Variants in CORO2A observed in about 807,000 individuals in gnomAD.
CORO2A encodes the protein coronin-2A.
CORO2A carries 47 observed loss-of-function variants against 62.4 expected under a neutral mutation model. The ratio of observed to expected loss-of-function variants is 0.75; its 90% CI spans 0.60 to 0.96. The LOEUF is 0.96. Among genes scored for constraint, CORO2A ranks in the 40% least tolerant of loss-of-function variants. The pLI is 0.00. For missense variants in CORO2A, 610 were observed against 684.1 expected (o/e 0.89, Z 1.21); for synonymous variants, 273 against 268.9 (o/e 1.02, Z -0.15).
chr9:98,158,961 C>T (rs888482905), intron 1 of CORO2A, among the ~76,000 whole-genome samples: 24 of 152,076 alleles, frequency 1.6e-4, no homozygotes, highest in Non-Finnish European at 3.1e-4. Context: ...TCTTTCATGG[C>T]CAAACCCATA....
chr9:98,126,034 C>T (rs1587988958), intron 11 of CORO2A, among the ~76,000 whole-genome samples: 3 of 113,276 alleles, frequency 2.6e-5, no homozygotes, highest in South Asian at 3.1e-4. Flanking sequence ...TCCCCACCAT[C>T]TTTTTTTTTT....
At chr9:98,137,894 G>C (rs1025752993) in intron 2 of CORO2A, among the ~76,000 whole-genome samples, 1 of 152,196 alleles carries the variant, frequency 6.6e-6, no homozygotes, top group Non-Finnish European at 1.5e-5. Flanking sequence ...CAGTAAAAGG[G>C]AGCAATCACA....
chr9:98,161,095 A>G (rs143871905), intron 1 of CORO2A, among the ~76,000 whole-genome samples: 1 of 152,360 alleles, frequency 6.6e-6, no homozygotes, highest in East Asian at 1.9e-4. Context: ...GTTATTTGTC[A>G]TGGAGGACAG....
At chr9:98,187,017 C>T (rs1004436661) in intron 1 of CORO2A, among the ~76,000 whole-genome samples, 1 of 152,130 alleles carries the variant, frequency 6.6e-6, no homozygotes. Context: ...CGGTGGCTCA[C>T]GCCTGTAATC....
In CORO2A at chr9:98,157,501, A is replaced by G. The variant is rs1827820092; in HGVS notation, c.160T>C (p.Cys54Arg). ...NPHFIAVVTE[C>R]AGGGAFLVIP... The stretch of plus-strand genomic sequence containing the variant: ...ACGAGGAAGGCCCCTCCACCAGCAC[A>G]CTCAGTCACAACTGCAATGAAGTGG... The change falls in exon 2 of 12, where the codon TGT becomes CGT. Residue 54 changes from cysteine to arginine, a missense_variant. Coordinates refer to ENST00000375077, the MANE Select transcript of CORO2A (RefSeq NM_052820.4). The G allele has an allele frequency of 1.9e-6, 3 of 1,614,182 alleles. No individual in the cohort carries two copies. Among genetic ancestry groups the G allele is most frequent in the Non-Finnish European group, 2.5e-6 (3 of 1,180,030 alleles).
At chr9:98,174,494 A>G (rs1828082453) in intron 1 of CORO2A, among the ~76,000 whole-genome samples, 2 of 152,220 alleles carry the variant, frequency 1.3e-5, no homozygotes, top group Non-Finnish European at 2.9e-5. Context: ...AAATGTAAAA[A>G]TCTTGGCAGT....
chr9:98,142,570 C>T (rs892315379), intron 2 of CORO2A, among the ~76,000 whole-genome samples: 2 of 152,244 alleles, frequency 1.3e-5, no homozygotes, highest in Non-Finnish European at 2.9e-5. Context: ...TTCCGCAGTG[C>T]GGTTTCCCAA....
chr9:98,182,447 C>T (rs916364459), intron 1 of CORO2A, among the ~76,000 whole-genome samples: 33 of 152,216 alleles, frequency 2.2e-4, no homozygotes, highest in African/African-American at 7.7e-4. Context: ...CATTATCTCC[C>T]CAGCCCTCCT....
chr9:98,128,605 A>T lies in CORO2A; in HGVS notation c.1080+2T>A. On this transcript the variant is annotated splice_donor_variant, in intron 9 of 11. Coordinates refer to ENST00000375077, the MANE Select transcript of CORO2A (RefSeq NM_052820.4). LOFTEE classifies it high-confidence loss of function. The stretch of plus-strand genomic sequence containing the variant: ...CTCCCATGCGGTCCCGACTGCCCTT[A>T]CCCGCCGGGGCACAATCATGGAGAT... The T allele has an allele frequency of 1.2e-6, 2 of 1,613,388 alleles. No homozygotes were observed. The highest frequency in any genetic ancestry group is 1.7e-6 in the Non-Finnish European group (2 of 1,179,470).
intron 11 of CORO2A, among the ~76,000 whole-genome samples, chr9:98,125,740 C>CA (rs1355610361): frequency 8.1e-5 from 8 of 99,270 alleles, no homozygotes; most frequent in Admixed American, 1.4e-4. Context: ...TTTTTTGAGA[C>CA]AGAGTCTCAC....
chr9:98,162,648 C>T (rs540274835), intron 1 of CORO2A, among the ~76,000 whole-genome samples: 10 of 152,284 alleles, frequency 6.6e-5, no homozygotes, highest in African/African-American at 2.4e-4. Context: ...GGCCTGTGTG[C>T]GTACTGTGTG....
chr9:98,124,767 T>C lies in CORO2A; in HGVS notation c.*7A>G, dbSNP rs780749628. On this transcript the variant is annotated 3_prime_UTR_variant, in exon 12 of 12. Coordinates refer to ENST00000375077, the MANE Select transcript of CORO2A (RefSeq NM_052820.4). ...TCCCTGAGGGTGAGGAGGGCAGAGG[T>C]CTCTGCTCAGAGCTGCTCTGAGCCC... 6.2e-7 allele frequency: 1 copy of C among 1,606,536 alleles called. No individual in the cohort carries two copies. Among genetic ancestry groups the C allele is most frequent in the African/African-American group, 1.3e-5 (1 of 74,750 alleles).
At chr9:98,178,201 C>T (rs72603685) in intron 1 of CORO2A, among the ~76,000 whole-genome samples, 10,380 of 152,154 alleles carry the variant, frequency 0.068, 406 homozygotes, top group East Asian at 0.1. Context: ...CATGAGCCAC[C>T]ATGCCCGGCT....
At chr9:98,155,278 C>A (rs1321085992) in intron 2 of CORO2A, among the ~76,000 whole-genome samples, 6 of 151,296 alleles carry the variant, frequency 4.0e-5, no homozygotes, top group South Asian at 2.1e-4. Context: ...TTATTATATC[C>A]TTTTCCACTC....
chr9:98,123,493 CTCTT>C lies in CORO2A; in HGVS notation c.*1277_*1280del, dbSNP rs1040156772. ...TGCTTAGTCTTCCCCTATTCTCTCT[CTCTT>C]TTTTTTTTTTTTTTTGGAGATGGAG... On this transcript the variant is annotated 3_prime_UTR_variant, in exon 12 of 12. Coordinates refer to ENST00000375077, the MANE Select transcript of CORO2A (RefSeq NM_052820.4). 34 of 149,370 alleles carry C rather than the reference CTCTT, an allele frequency of 2.3e-4. No individual in the cohort carries two copies. Among genetic ancestry groups the C allele is most frequent in the South Asian group, 1.1e-3 (5 of 4,700 alleles). The allele number at this position is 149,370 out of a possible 1,614,324, so 9.3% of individuals were successfully genotyped here.
At chr9:98,171,231 G>A (rs932589770) in intron 1 of CORO2A, among the ~76,000 whole-genome samples, 2 of 152,300 alleles carry the variant, frequency 1.3e-5, no homozygotes, top group East Asian at 1.9e-4. Flanking sequence ...GAGAGGAAGC[G>A]CGCCTTGCTT....
chr9:98,156,766 A>G (rs759196937), intron 2 of CORO2A, among the ~76,000 whole-genome samples: 10 of 152,046 alleles, frequency 6.6e-5, no homozygotes, highest in Non-Finnish European at 1.2e-4. Flanking sequence ...ATATTTCTCT[A>G]TGTTTAATCT....
chr9:98,149,294 C>A (rs1827691544), intron 2 of CORO2A, among the ~76,000 whole-genome samples: 1 of 152,188 alleles, frequency 6.6e-6, no homozygotes, highest in African/African-American at 2.4e-5. Flanking sequence ...TCAGGCATCT[C>A]TGGGAGCTTG....
At chr9:98,152,557 C>T (rs1172201287) in intron 2 of CORO2A, among the ~76,000 whole-genome samples, 1 of 152,124 alleles carries the variant, frequency 6.6e-6, no homozygotes, top group Non-Finnish European at 1.5e-5. Context: ...GTGCTGGGCC[C>T]ATAGGTGTGA....
Sources: allele counts gnomAD v4.1 joint callset (sites outside exome capture counted in the v4.1 genomes callset), GRCh38; gene constraint gnomAD v4.1.1; transcripts MANE v1.5; gene names NCBI Gene and HGNC (gene_info 2026-07-23, HGNC 2026-07-21).